The following IL16 variants were observed in gnomAD, a reference collection of about 807,000 sequenced individuals.
The protein encoded by IL16 is pro-interleukin-16.
IL16 carries 67 observed loss-of-function variants against 110.1 expected under a neutral mutation model. That is an observed-to-expected ratio of 0.61 (90% CI 0.50 to 0.75). IL16 has a LOEUF of 0.75. Among genes scored for constraint, IL16 ranks in the 30% least tolerant of loss-of-function variants. IL16 has a pLI of 0.00. For synonymous variants in IL16, 689 were observed against 662.9 expected (o/e 1.04, Z -0.61); for missense variants, 1,545 against 1,655.0 (o/e 0.93, Z 1.15).
At chr15:81,260,844 T>A (rs897758831) in intron 3 of IL16, among the ~76,000 whole-genome samples, 2 of 151,892 alleles carry the variant, frequency 1.3e-5, no homozygotes, top group African/African-American at 4.9e-5. Context: ...AAAATATTTT[T>A]AAAAAGTTAC....
At position 81,308,645 on chromosome 15, in the gene IL16, T is replaced by C. The variant is rs1461128341; in HGVS notation, c.3846T>C (p.Asp1282=). Reference sequence around the variant, plus strand: ...AAAGTGAGACAGTCCAGCCTGGAGATGAAATCTTACAGCTGGGTGGCACTG... The same window carrying C: ...AAAGTGAGACAGTCCAGCCTGGAGACGAAATCTTACAGCTGGGTGGCACTG... ...SEQSETVQPG[D]EILQLGGTAM... Residue 1282 remains aspartate, a synonymous_variant, in exon 19 of 19, where the codon GAT becomes GAC. Transcript: ENST00000683961. 6.2e-7 allele frequency: 1 copy of C among 1,613,434 alleles called. No homozygotes were observed. The highest frequency in any genetic ancestry group is 8.5e-7 in the Non-Finnish European group (1 of 1,179,744).
chr15:81,240,404 G>A (rs952009588), intron 2 of IL16, among the ~76,000 whole-genome samples: 1 of 151,782 alleles, frequency 6.6e-6, no homozygotes. Flanking sequence ...AAGGGTATGG[G>A]AATTTTCATA....
chr15:81,211,808 A>G (rs1385190987), intron 1 of IL16, among the ~76,000 whole-genome samples: 1 of 152,182 alleles, frequency 6.6e-6, no homozygotes, highest in African/African-American at 2.4e-5. Flanking sequence ...TATATGGTAA[A>G]TCACATTTAT....
intron 1 of IL16, among the ~76,000 whole-genome samples, chr15:81,214,983 G>T (rs1277018039): frequency 2.0e-5 from 3 of 152,226 alleles, no homozygotes; most frequent in East Asian, 3.9e-4. Context: ...GTTCAGTTTG[G>T]TTCTTTCTTA....
At chr15:81,250,744 G>A (rs1230478608) in intron 2 of IL16, among the ~76,000 whole-genome samples, 2 of 152,244 alleles carry the variant, frequency 1.3e-5, no homozygotes, top group East Asian at 3.9e-4. Flanking sequence ...AAGGCCATCT[G>A]GTAATGATTA....
At position 81,196,953 on chromosome 15, in the gene IL16, G is replaced by T. The variant is rs1282429880; in HGVS notation, c.-301G>T. On this transcript the variant is annotated 5_prime_UTR_variant, in exon 1 of 19. Coordinates refer to ENST00000683961, the MANE Select transcript of IL16 (RefSeq NM_172217.5). ...TACTCACGGCATCTCAACTATCGGA[G>T]CCTGGGATCTGACTCAAAGGCCGGC... 2 of 1,265,774 alleles carry T rather than the reference G, an allele frequency of 1.6e-6. No homozygotes were observed. The highest frequency in any genetic ancestry group is 1.5e-5 in the African/African-American group (1 of 64,548). The allele number at this position is 1,265,774 out of a possible 1,614,324, so 78.4% of individuals were successfully genotyped here.
At chr15:81,249,393 G>A (rs1318007013) in intron 2 of IL16, among the ~76,000 whole-genome samples, 2 of 151,486 alleles carry the variant, frequency 1.3e-5, no homozygotes, top group African/African-American at 4.8e-5. Context: ...GTATATTGGT[G>A]GCAAACTCCC....
At position 81,247,079 on chromosome 15, in the gene IL16, T is replaced by C. The variant is rs1307514744; in HGVS notation, c.313-12693T>C. 9.3e-3 allele frequency among the ~76,000 whole-genome samples: 1,326 copies of C among 143,240 alleles called. 18 individuals carry two copies. Among genetic ancestry groups the C allele is most frequent in the Non-Finnish European group, 0.015 (987 of 64,728 alleles). 94.0% of individuals were successfully genotyped at this position (143,240 alleles called of 152,430 possible). ...GTGTTTTCTTTCTTTTCTTTTCCTT[T>C]TTTTTTTTTTTTTTTTTGATCTTGA... is the stretch of plus-strand genomic sequence containing the variant. On this transcript the variant is annotated intron_variant, in intron 2 of 18. Transcript: ENST00000683961.
At chr15:81,191,981 G>C (rs986797021), upstream of IL16, among the ~76,000 whole-genome samples, 1 of 152,184 alleles carries the variant, frequency 6.6e-6, no homozygotes, top group Non-Finnish European at 1.5e-5. Context: ...CCTTTGGAAG[G>C]GGTGGAGCAC....
At chr15:81,258,733 C>G (rs1382550786) in intron 2 of IL16, among the ~76,000 whole-genome samples, 1 of 140,614 alleles carries the variant, frequency 7.1e-6, no homozygotes, top group East Asian at 1.9e-4. Context: ...CGCACGCGCT[C>G]TCTCTCTCTC....
chr15:81,253,499 T>A (rs574203108), intron 2 of IL16, among the ~76,000 whole-genome samples: 93 of 152,304 alleles, frequency 6.1e-4, no homozygotes, highest in Non-Finnish European at 9.4e-4. Flanking sequence ...TTATCTTTTG[T>A]CATTTGTGCT....
chr15:81,187,525 G>T (rs1401870363), intron 1 of IL16, among the ~76,000 whole-genome samples: 1 of 151,650 alleles, frequency 6.6e-6, no homozygotes, highest in African/African-American at 2.4e-5. Flanking sequence ...AGTCTGGGAG[G>T]TTGAGTTTGC....
intron 1 of IL16, among the ~76,000 whole-genome samples, chr15:81,209,396 G>A (rs1374944160): frequency 1.3e-5 from 2 of 152,108 alleles, no homozygotes; most frequent in Admixed American, 1.3e-4. Context: ...GGGCTTGCAG[G>A]AGCTCACAGG....
At chr15:81,227,949 G>C (rs1366957851) in intron 2 of IL16, among the ~76,000 whole-genome samples, 1 of 152,108 alleles carries the variant, frequency 6.6e-6, no homozygotes, top group Non-Finnish European at 1.5e-5. Context: ...GAGCACCTGG[G>C]GGTAGTAGGG....
At chr15:81,295,558 G>A in intron 12 of IL16, 1 of 1,220,660 alleles carries the variant, frequency 8.2e-7, no homozygotes, top group South Asian at 1.3e-5. Context: ...TTTCTCTTGT[G>A]GACAAGAGAC....
At position 81,300,026 on chromosome 15, in the gene IL16, T is replaced by C; in HGVS notation, c.2700T>C (p.Pro900=). ...CACCCACTCTTGTGCCCCAGCAGCCTGAGCAAGTACTGTCCTCGGGGTCCC... is the reference window on the plus strand; with the variant it reads ...CACCCACTCTTGTGCCCCAGCAGCCCGAGCAAGTACTGTCCTCGGGGTCCC... ...GAAPTLVPQQ[P]EQVLSSGSPA... is the part of the protein sequence containing the mutation. The change falls in exon 14 of 19, where the codon CCT becomes CCC. Residue 900 remains proline, a synonymous_variant. Transcript: ENST00000683961. 1 of 1,576,240 alleles carries C rather than the reference T, an allele frequency of 6.3e-7. No individual in the cohort carries two copies. Among genetic ancestry groups the C allele is most frequent in the Non-Finnish European group, 8.6e-7 (1 of 1,161,420 alleles).
upstream of IL16, among the ~76,000 whole-genome samples, chr15:81,192,054 G>A (rs79510132): frequency 2.0e-3 from 304 of 152,274 alleles, no homozygotes; most frequent in Middle Eastern, 0.01. Flanking sequence ...GATCCATAAC[G>A]CTATGCACTT....
chr15:81,197,218 C>G (rs1895628689), intron 1 of IL16, 66 bp downstream of exon 1: 10 of 1,103,660 alleles, frequency 9.1e-6, no homozygotes, highest in Admixed American at 5.4e-5. Context: ...GGAAGCTGGC[C>G]TCTCTGACCT....
intron 2 of IL16, among the ~76,000 whole-genome samples, chr15:81,235,737 A>G (rs1484320979): frequency 3.3e-5 from 5 of 152,340 alleles, no homozygotes; most frequent in African/African-American, 9.6e-5. Context: ...TGGGAACGGC[A>G]CATAATAATG....
Sources: allele counts gnomAD v4.1 joint callset (sites outside exome capture counted in the v4.1 genomes callset), GRCh38; gene constraint gnomAD v4.1.1; transcripts MANE v1.5; gene names NCBI Gene and HGNC (gene_info 2026-07-23, HGNC 2026-07-21).